Variants in WDR12 observed in about 807,000 individuals in gnomAD.
WDR12 encodes the protein WD repeat domain 12, also known as ribosome biogenesis protein WDR12.
A neutral mutation model predicts 64.3 loss-of-function variants in WDR12; 42 were observed. The observed-to-expected ratio is 0.65, with a 90% CI of 0.51 to 0.84. WDR12 has a LOEUF of 0.84. Ranked by LOEUF, WDR12 falls within the 40% of genes least tolerant of loss-of-function variation. The probability of loss-of-function intolerance (pLI) is 0.00; values close to 1 mark genes in which losing one functional copy is unlikely to be tolerated. For synonymous variants in WDR12, 158 were observed against 173.3 expected, an observed-to-expected ratio of 0.91 and a Z score of 0.70; for missense variants, 469 against 494.6, an observed-to-expected ratio of 0.95 and a Z score of 0.49.
rs754048743 is a variant in WDR12, at chr2:202,901,025, T to C, written c.231A>G (p.Ser77=). ...ACAGAAGATAAGAATTTGAACTTAC[T>C]GATGAGATGTTCTCCATTTCCATGT... The part of the protein sequence containing the change: ...DKHMEMENIS[S]EEVVEIEYVE... The change falls in exon 3 of 13, where the codon TCA becomes TCG. Residue 77 remains serine (S), a splice_region_variant and synonymous_variant. Coordinates refer to ENST00000261015, the MANE Select transcript of WDR12 (RefSeq NM_018256.4). The C allele has an allele frequency of 6.3e-7, 1 of 1,581,158 alleles. No individual in the cohort carries two copies. The highest frequency in any genetic ancestry group is 8.6e-7 in the Non-Finnish European group (1 of 1,157,856).
intron 6 of WDR12, 141 bp from the exon 7 acceptor site, chr2:202,894,767 C>T: frequency 3.4e-6 from 2 of 586,022 alleles, no homozygotes; most frequent in Non-Finnish European, 5.7e-6. Context: ...TTTCCAGGGG[C>T]AGATAGGACA....
At position 202,882,695 on chromosome 2, in the gene WDR12, A is replaced by G. The variant is rs369584404; in HGVS notation, c.1194+16T>C. 1.9e-6 allele frequency: 3 copies of G among 1,608,098 alleles called. No homozygotes were observed. The highest frequency in any genetic ancestry group is 1.6e-4 in the Middle Eastern group (1 of 6,080). ...TAGTCACTTTCCTCTTCATCAAATA[A>G]CTAATAAATTCTTACCCCTGTGTCT... On this transcript the variant is annotated intron_variant, in intron 12 of 12. Coordinates refer to ENST00000261015, the MANE Select transcript of WDR12 (RefSeq NM_018256.4).
chr2:202,884,038 C>G, intron 10 of WDR12, 160 bp downstream of exon 10: 1 of 715,106 alleles, frequency 1.4e-6, no homozygotes, highest in Non-Finnish European at 2.3e-6. Flanking sequence ...ATCTCCAACT[C>G]CTGACCTCAT....
rs144780854 is a variant in WDR12 at position 202,878,656 on chromosome 2, A to C, written c.*2204T>G. ...CCTCTGGTTTTCTACAGAGAACTAA[A>C]CTCCTAACTGGTTCAATACACTGTT... On this transcript the variant is annotated 3_prime_UTR_variant, in exon 13 of 13. Transcript: ENST00000261015. The C allele has an allele frequency of 5.9e-5, 9 of 152,160 alleles. No homozygotes were observed. The highest frequency in any genetic ancestry group is 1.2e-4 in the Non-Finnish European group (8 of 68,040). The allele number at this position is 152,160 out of a possible 1,614,324, so 9.4% of individuals were successfully genotyped here.
Position 202,876,588 on chromosome 2 carries a change from T to A in WDR12, c.*4272A>T, listed in dbSNP as rs1396538072. The A allele has an allele frequency of 6.6e-6, 1 of 152,214 alleles. No individual in the cohort carries two copies. The highest frequency in any genetic ancestry group is 1.5e-5 in the Non-Finnish European group (1 of 68,044). The allele number at this position is 152,214 out of a possible 1,614,324, so 9.4% of individuals were successfully genotyped here. A position where few individuals can be genotyped will look rare whatever the true frequency, so the allele number is the denominator to read the frequency against. On this transcript the variant is annotated 3_prime_UTR_variant, in exon 13 of 13. Transcript: ENST00000261015. ...TTGGAATATCCCTTGCATATAGTCT[T>A]AAAATGTCATATTTTTTCCTTTAAG...
intron 2 of WDR12, among the ~76,000 whole-genome samples, chr2:202,906,692 G>A (rs750052243): frequency 4.6e-5 from 7 of 152,120 alleles, no homozygotes; most frequent in Non-Finnish European, 1.0e-4. Context: ...GTGAAACCCC[G>A]TTTCTACTAA....
Position 202,907,514 on chromosome 2 carries a change from A to G in WDR12, c.136+351T>C, listed in dbSNP as rs563579628. ...TGTGCTTCACTAGTAAATGGGGCCT[A>G]AGCACTAAAACGCTTGTTTTATGCC... On this transcript the variant is annotated intron_variant, in intron 2 of 12. Transcript: ENST00000261015. Among the ~76,000 whole-genome samples the G allele has an allele frequency of 2.0e-5, 3 of 152,292 alleles. No individual in the cohort carries two copies. In the East Asian group the frequency reaches 5.8e-4, roughly 29 times the overall value.
intron 5 of WDR12, among the ~76,000 whole-genome samples, chr2:202,896,775 T>A (rs946294073): frequency 1.3e-5 from 2 of 152,158 alleles, no homozygotes; most frequent in Admixed American, 6.5e-5. Flanking sequence ...GATCATGATG[T>A]CAGGAGTTCG....
chr2:202,887,812 C>T (rs1243390993), intron 8 of WDR12, among the ~76,000 whole-genome samples: 3 of 146,998 alleles, frequency 2.0e-5, no homozygotes, highest in African/African-American at 5.0e-5. Context: ...GGCGTGAACC[C>T]GGGAAGCGGA....
Position 202,877,173 on chromosome 2 carries a change from T to C in WDR12, c.*3687A>G, listed in dbSNP as rs1167493716. The C allele has an allele frequency of 2.6e-5, 4 of 152,080 alleles. No homozygotes were observed. The highest frequency in any genetic ancestry group is 9.6e-5 in the African/African-American group (4 of 41,542). 9.4% of individuals were successfully genotyped at this position (152,080 alleles called of 1,614,324 possible). A position where few individuals can be genotyped will look rare whatever the true frequency, so the allele number is the denominator to read the frequency against. The stretch of plus-strand genomic sequence containing the variant: ...ATGCATTTTATATCAATTTAAACTT[T>C]TGTTTGTTCTTTCTCCAATAATATA... On this transcript the variant is annotated 3_prime_UTR_variant, in exon 13 of 13. Coordinates refer to ENST00000261015, the MANE Select transcript of WDR12 (RefSeq NM_018256.4).
At chr2:202,909,504 A>G (rs1265185492) in intron 1 of WDR12, among the ~76,000 whole-genome samples, 1 of 152,210 alleles carries the variant, frequency 6.6e-6, no homozygotes, top group African/African-American at 2.4e-5. Flanking sequence ...GCTAGAAAGT[A>G]GATCAGTGGT....
intron 2 of WDR12, among the ~76,000 whole-genome samples, chr2:202,901,905 C>T (rs778917664): frequency 2.0e-4 from 30 of 152,194 alleles, no homozygotes; most frequent in Non-Finnish European, 3.4e-4. Context: ...TTTCCTGTTA[C>T]ATCCCATCAG....
At chr2:202,901,688 C>G (rs1228140956) in intron 2 of WDR12, among the ~76,000 whole-genome samples, 1 of 152,046 alleles carries the variant, frequency 6.6e-6, no homozygotes, top group African/African-American at 2.4e-5. Flanking sequence ...CCTTTTTCTC[C>G]TTGCCATGTA....
intron 2 of WDR12, among the ~76,000 whole-genome samples, chr2:202,903,453 AAG>A (rs1688388348): frequency 1.9e-4 from 2 of 10,312 alleles, no homozygotes; most frequent in Non-Finnish European, 1.6e-3. Flanking sequence ...AGATGGAAGG[AAG>A]GAAGGAAGGA....
At chr2:202,887,753 T>G (rs1347848372) in intron 8 of WDR12, among the ~76,000 whole-genome samples, 1 of 151,022 alleles carries the variant, frequency 6.6e-6, no homozygotes, top group East Asian at 1.9e-4. Context: ...CCGGGCGCGG[T>G]GGCGGGCGCC....
chr2:202,874,423 T>C lies in WDR12; in HGVS notation c.*6437A>G, dbSNP rs758577432. On this transcript the variant is annotated 3_prime_UTR_variant, in exon 13 of 13. Coordinates refer to ENST00000261015, the MANE Select transcript of WDR12 (RefSeq NM_018256.4). ...CAAGAACATTAGATGACTTGGAATG[T>C]AGGGCTCCACAAATGGGATCCAAAC... Among the ~76,000 whole-genome samples the C allele has an allele frequency of 5.9e-5, 9 of 152,206 alleles. No homozygotes were observed. The highest frequency in any genetic ancestry group is 8.8e-5 in the Non-Finnish European group (6 of 68,020).
At chr2:202,889,666 G>A (rs982855287) in intron 8 of WDR12, among the ~76,000 whole-genome samples, 2 of 150,400 alleles carry the variant, frequency 1.3e-5, no homozygotes, top group Non-Finnish European at 3.0e-5. Context: ...CGTAATCCCA[G>A]CACTTTGGAA....
chr2:202,882,231 T>C (rs2105902248), intron 12 of WDR12, among the ~76,000 whole-genome samples: 1 of 152,226 alleles, frequency 6.6e-6, no homozygotes, highest in Middle Eastern at 3.4e-3. Flanking sequence ...GCCTGGCCTA[T>C]TAAAGGACAA....
rs1688167970 is a variant in WDR12 at position 202,892,175 on chromosome 2, T to G, written c.741+442A>C. The stretch of plus-strand genomic sequence containing the variant: ...GACTTAATGGAATCTAACAGCTAAA[T>G]GACAGAATCAAATCCCAAATTAAAC... On this transcript the variant is annotated intron_variant, in intron 8 of 12. Transcript: ENST00000261015. Among the ~76,000 whole-genome samples, 3 of 152,320 alleles carry G rather than the reference T, an allele frequency of 2.0e-5. No homozygotes were observed. The South Asian group carries it at 6.2e-4, about 32-fold the overall frequency.
Sources: allele counts gnomAD v4.1 joint callset (sites outside exome capture counted in the v4.1 genomes callset), GRCh38; gene constraint gnomAD v4.1.1; transcripts MANE v1.5; gene names NCBI Gene and HGNC (gene_info 2026-07-23, HGNC 2026-07-21).